The following PIGK variants were observed in gnomAD, a reference collection of about 807,000 sequenced individuals.
The protein encoded by PIGK is GPI-anchor transamidase.
PIGK carries 42 observed loss-of-function variants against 50.6 expected under a neutral mutation model. The ratio of observed to expected loss-of-function variants is 0.83; its 90% CI spans 0.65 to 1.07. PIGK has a LOEUF of 1.07. Ranked by LOEUF, PIGK falls within the 50% of genes least tolerant of loss-of-function variation. The pLI is 0.00. For synonymous variants in PIGK, 151 were observed against 156.0 expected (o/e 0.97, Z 0.24); for missense variants, 448 against 488.7 (o/e 0.92, Z 0.78).
chr1:77,097,550 T>C (rs1653446443), intron 10 of PIGK, among the ~76,000 whole-genome samples: 1 of 151,448 alleles, frequency 6.6e-6, no homozygotes, highest in South Asian at 2.1e-4. Flanking sequence ...TCAACTATGA[T>C]TTGGGTTTTA....
chr1:77,098,714 A>C (rs1426609165), intron 10 of PIGK, among the ~76,000 whole-genome samples: 1 of 152,172 alleles, frequency 6.6e-6, no homozygotes, highest in African/African-American at 2.4e-5. Context: ...AAAGGCACAT[A>C]AATGGAATTT....
chr1:77,110,526 A>C (rs11162275), intron 10 of PIGK, among the ~76,000 whole-genome samples: 35,530 of 152,136 alleles, frequency 0.23, 5,096 homozygotes, highest in Non-Finnish European at 0.32. Flanking sequence ...TCCCTATTTA[A>C]TAAATGGTGC....
At chr1:77,176,320 G>T (rs1034053946) in intron 3 of PIGK, among the ~76,000 whole-genome samples, 4 of 152,058 alleles carry the variant, frequency 2.6e-5, no homozygotes, top group Admixed American at 6.6e-5. Flanking sequence ...AGGTAAACAG[G>T]ATTATTTGAC....
intron 9 of PIGK, among the ~76,000 whole-genome samples, chr1:77,139,065 T>C (rs917729353): frequency 2.0e-5 from 3 of 152,122 alleles, no homozygotes; most frequent in Admixed American, 1.3e-4. Flanking sequence ...AATGGTTTTA[T>C]GTAGAGGTCT....
intron 3 of PIGK, among the ~76,000 whole-genome samples, chr1:77,182,337 T>C (rs532196084): frequency 6.6e-6 from 1 of 152,306 alleles, no homozygotes; most frequent in South Asian, 2.1e-4. Context: ...AGCTAGTCTT[T>C]TCACATTATT....
At chr1:77,190,945 G>A (rs1655890074) in intron 3 of PIGK, among the ~76,000 whole-genome samples, 1 of 152,114 alleles carries the variant, frequency 6.6e-6, no homozygotes, top group Non-Finnish European at 1.5e-5. Context: ...AGGAGAGGGG[G>A]CAAACAGCAC....
chr1:77,100,746 T>C (rs1557791347), intron 10 of PIGK, among the ~76,000 whole-genome samples: 1 of 152,172 alleles, frequency 6.6e-6, no homozygotes. Context: ...AAGATAGATA[T>C]ATTCGAAGTA....
chr1:77,169,482 T>G, intron 3 of PIGK, 87 bp from the exon 4 acceptor site: 1 of 1,068,638 alleles, frequency 9.4e-7, no homozygotes, highest in Non-Finnish European at 1.3e-6. Flanking sequence ...AGCTACTGTG[T>G]TCATTTTTCT....
chr1:77,127,951 A>G (rs182117981), intron 9 of PIGK, among the ~76,000 whole-genome samples: 2 of 152,332 alleles, frequency 1.3e-5, no homozygotes, highest in East Asian at 3.9e-4. Flanking sequence ...ATATTGTACA[A>G]GATATAATTG....
intron 9 of PIGK, among the ~76,000 whole-genome samples, chr1:77,137,568 T>A (rs1453643583): frequency 6.6e-6 from 1 of 152,070 alleles, no homozygotes; most frequent in Non-Finnish European, 1.5e-5. Context: ...TTTCTTTTGT[T>A]TTTATTTTAT....
At chr1:77,128,889 T>G (rs2689674) in intron 9 of PIGK, among the ~76,000 whole-genome samples, 29,596 of 152,178 alleles carry the variant, frequency 0.19, 3,742 homozygotes, top group African/African-American at 0.36. Context: ...TATGTCCTGT[T>G]AGCTAAGAAT....
chr1:77,101,125 A>G (rs965541959), intron 10 of PIGK, among the ~76,000 whole-genome samples: 1 of 152,214 alleles, frequency 6.6e-6, no homozygotes, highest in African/African-American at 2.4e-5. Context: ...CAATACATGA[A>G]CAAGACATGA....
At chr1:77,190,625 T>C (rs1655880475) in intron 3 of PIGK, among the ~76,000 whole-genome samples, 1 of 152,202 alleles carries the variant, frequency 6.6e-6, no homozygotes, top group East Asian at 1.9e-4. Flanking sequence ...ATTTCACCTG[T>C]AAATGTAGTA....
chr1:77,215,048 CTGT>C (rs1656521544), intron 1 of PIGK, among the ~76,000 whole-genome samples: 1 of 152,032 alleles, frequency 6.6e-6, no homozygotes, highest in South Asian at 2.1e-4. Context: ...AGAATAAATA[CTGT>C]ATTGTTAAAA....
chr1:77,118,791 G>C (rs1243365526), intron 10 of PIGK, among the ~76,000 whole-genome samples: 3 of 152,066 alleles, frequency 2.0e-5, no homozygotes, highest in African/African-American at 7.2e-5. Context: ...ATACGTATTA[G>C]GGTATCTAGG....
intron 3 of PIGK, among the ~76,000 whole-genome samples, chr1:77,189,483 G>T (rs1275995062): frequency 6.6e-6 from 1 of 151,996 alleles, no homozygotes; most frequent in Non-Finnish European, 1.5e-5. Flanking sequence ...TCAGCTGCCA[G>T]GGTGGCTAGA....
At chr1:77,105,789 G>C (rs148356671) in intron 10 of PIGK, among the ~76,000 whole-genome samples, 1 of 152,158 alleles carries the variant, frequency 6.6e-6, no homozygotes, top group East Asian at 1.9e-4. Context: ...ACCAAAAATT[G>C]AGTAGTTGTA....
chr1:77,131,615 A>T (rs1218649884), intron 9 of PIGK, among the ~76,000 whole-genome samples: 1 of 152,104 alleles, frequency 6.6e-6, no homozygotes, highest in Non-Finnish European at 1.5e-5. Flanking sequence ...ATCATTTATG[A>T]TTAATGATTT....
chr1:77,124,427 A>G (rs7535408), intron 9 of PIGK, among the ~76,000 whole-genome samples: 60,382 of 151,718 alleles, frequency 0.4, 14,409 homozygotes, highest in African/African-American at 0.66. Flanking sequence ...TGGCCAACAC[A>G]GTGAAACCTC....
Sources: allele counts gnomAD v4.1 joint callset (sites outside exome capture counted in the v4.1 genomes callset), GRCh38; gene constraint gnomAD v4.1.1; transcripts MANE v1.5; gene names NCBI Gene and HGNC (gene_info 2026-07-23, HGNC 2026-07-21).